The following CEP192 variants were observed in gnomAD, a reference collection of about 807,000 sequenced individuals.
CEP192 encodes centrosomal protein 192.
CEP192 carries 151 observed loss-of-function variants against 271.8 expected under a neutral mutation model. The observed-to-expected ratio is 0.56, with a 90% confidence interval of 0.49 to 0.64. The LOEUF is 0.64. CEP192 is among the 30% of genes least tolerant of loss of function. The pLI is 0.00. For synonymous variants in CEP192, 995 were observed against 1,076.5 expected (o/e 0.92, Z 1.48); for missense variants, 2,910 against 3,020.5 (o/e 0.96, Z 0.86).
chr18:13,099,478 G>C lies in CEP192; in HGVS notation c.6560G>C (p.Ser2187Thr). 1 of 1,511,706 alleles carries C rather than the reference G, an allele frequency of 6.6e-7. No individual in the cohort carries two copies. The highest frequency in any genetic ancestry group is 9.0e-7 in the Non-Finnish European group (1 of 1,109,534). The allele number at this position is 1,511,706 out of a possible 1,614,324, so 93.6% of individuals were successfully genotyped here. Residue 2187 changes from serine (S) to threonine (T), a missense_variant and splice_region_variant, in exon 37 of 45, where the codon AGT becomes ACT. Transcript: ENST00000506447. ...TTTCTTATTAATTTTTTTTAAAGGA[G>C]TAAACTACAAATTCTTGTGAGTCCT... ...TPQHGCVAPE[S>T]KLQILVSPNS...
At chr18:13,029,512 T>G (rs960861749) in intron 9 of CEP192, 151 bp from the exon 10 acceptor site, 2 of 584,840 alleles carry the variant, frequency 3.4e-6, no homozygotes, top group Admixed American at 3.2e-5. Context: ...TCACATATAG[T>G]CTAGAATACA....
rs867311318 is a variant in CEP192, at chr18:13,068,407, C to T, written c.4807C>T (p.Gln1603Ter). The T allele has an allele frequency of 1.2e-6, 2 of 1,611,320 alleles. No homozygotes were observed. The highest frequency in any genetic ancestry group is 1.7e-4 in the Middle Eastern group (1 of 5,832). Residue 1603 changes from glutamine to a stop codon, truncating the protein, a stop_gained, in exon 24 of 45, where the codon CAG (glutamine) becomes TAG (stop). Coordinates refer to ENST00000506447, the MANE Select transcript of CEP192 (RefSeq NM_032142.4). LOFTEE classifies it high-confidence loss of function. The part of the protein sequence containing the change: ...IWVLFHSPKK[Q>*]ISSSDILDSA... ...GGTTCTTTTCCATAGTCCAAAGAAA[C>T]AGATCAGCTCTTCAGGTATCATGTT...
intron 30 of CEP192, among the ~76,000 whole-genome samples, chr18:13,086,733 C>G (rs2038915060): frequency 6.6e-6 from 1 of 152,206 alleles, no homozygotes; most frequent in Admixed American, 6.5e-5. Flanking sequence ...CATATCTGTA[C>G]TAATCTTTAT....
In CEP192 at chr18:13,055,795, G is replaced by A. The variant is rs956124679; in HGVS notation, c.3205G>A (p.Glu1069Lys). ...LEDRKSDITSELSTTIIQGSP... is the reference protein window; with the variant it reads ...LEDRKSDITSKLSTTIIQGSP... ...TTGCACTCAGAGTGATATCACCAGCGAGTTGAGTACCACAATTATTCAAGG... is the reference window on the plus strand; with the variant it reads ...TTGCACTCAGAGTGATATCACCAGCAAGTTGAGTACCACAATTATTCAAGG... The change falls in exon 19 of 45, where the codon GAG (glutamate) becomes AAG (lysine). Residue 1069 changes from glutamate to lysine, a missense_variant. Transcript: ENST00000506447. 5.1e-6 allele frequency: 8 copies of A among 1,563,804 alleles called. No individual in the cohort carries two copies. Among genetic ancestry groups the A allele is most frequent in the African/African-American group, 1.4e-5 (1 of 72,876 alleles).
At chr18:13,104,231 C>T (rs1395234979) in intron 39 of CEP192, among the ~76,000 whole-genome samples, 1 of 152,128 alleles carries the variant, frequency 6.6e-6, no homozygotes, top group East Asian at 1.9e-4. Context: ...TGGCTTTTCC[C>T]CTCATGTTCT....
At chr18:13,065,649 A>G (rs1402338114) in intron 21 of CEP192, among the ~76,000 whole-genome samples, 1 of 152,228 alleles carries the variant, frequency 6.6e-6, no homozygotes. Flanking sequence ...ACACACACAT[A>G]CATACTGGCA....
chr18:13,087,598 C>T lies in CEP192; in HGVS notation c.5945C>T (p.Thr1982Ile), dbSNP rs928985935. Residue 1982 changes from threonine to isoleucine, a missense_variant, in exon 32 of 45, where the codon ACT becomes ATT. Thr to Ile is a moderately conservative substitution (Grantham distance 89, BLOSUM62 -1). Coordinates refer to ENST00000506447, the MANE Select transcript of CEP192 (RefSeq NM_032142.4). Reference sequence around the variant, plus strand: ...AATAAAACTGCAACAGAACTATCAACTGTATACTTATTTGGTGGAGATGAA... The same window carrying T: ...AATAAAACTGCAACAGAACTATCAATTGTATACTTATTTGGTGGAGATGAA... Reference protein sequence around the residue: ...INNKTATELSTVYLFGGDEIS... With the variant: ...INNKTATELSIVYLFGGDEIS... 1 of 1,582,472 alleles carries T rather than the reference C, an allele frequency of 6.3e-7. No individual in the cohort carries two copies. The highest frequency in any genetic ancestry group is 8.6e-7 in the Non-Finnish European group (1 of 1,163,588).
At chr18:13,117,530 A>G (rs1303304803) in intron 43 of CEP192, 55 bp from the exon 44 acceptor site, 29 of 1,298,520 alleles carry the variant, frequency 2.2e-5, no homozygotes, top group Non-Finnish European at 3.0e-5. Flanking sequence ...ATGCTTATAT[A>G]TGCTAAAAGA....
intron 21 of CEP192, 152 bp from the exon 22 acceptor site, chr18:13,067,679 T>A: frequency 3.6e-6 from 2 of 558,946 alleles, no homozygotes; most frequent in Non-Finnish European, 6.2e-6. Context: ...TTGTAGAAAA[T>A]AAGCAATTGT....
chr18:13,069,358 G>C (rs2037887206), intron 26 of CEP192, among the ~76,000 whole-genome samples, 177 bp downstream of exon 26: 1 of 152,160 alleles, frequency 6.6e-6, no homozygotes, highest in Admixed American at 6.5e-5. Flanking sequence ...ATATGCTGTG[G>C]TGCTTTTTAA....
chr18:13,049,804 C>T lies in CEP192; in HGVS notation c.2930C>T (p.Ser977Leu), dbSNP rs770182761. 1.2e-6 allele frequency: 2 copies of T among 1,613,710 alleles called. No homozygotes were observed. Among genetic ancestry groups the T allele is most frequent in the Admixed American group, 1.7e-5 (1 of 59,960 alleles). ...TCTCCTGAGCATGGTGGACGTGGCT[C>T]AGAGGATGAGCAGGAGAGCTTCAGA... The part of the protein sequence containing the change: ...NTSPEHGGRG[S>L]EDEQESFRPS... Residue 977 changes from serine (S) to leucine (L), a missense_variant, in exon 17 of 45, where the codon TCA becomes TTA. Transcript: ENST00000506447.
chr18:13,122,711 T>G lies in CEP192; in HGVS notation c.7476-1921T>G, dbSNP rs142676570. On this transcript the variant is annotated intron_variant, in intron 44 of 44. Transcript: ENST00000506447. ...TGAGTGTGCACAGCCTGATGGCCTCTCTGCTCCCTAGATGCATTTCTGCTC... is the reference window on the plus strand; with the variant it reads ...TGAGTGTGCACAGCCTGATGGCCTCGCTGCTCCCTAGATGCATTTCTGCTC... 9.9e-3 allele frequency among the ~76,000 whole-genome samples: 1,504 copies of G among 152,364 alleles called. 22 individuals carry two copies. The highest frequency in any genetic ancestry group is 0.035 in the African/African-American group (1,441 of 41,582).
intron 7 of CEP192, among the ~76,000 whole-genome samples, chr18:13,018,003 C>G (rs879812206): frequency 7.2e-5 from 11 of 152,144 alleles, no homozygotes; most frequent in Non-Finnish European, 1.3e-4. Context: ...TAACCATAAT[C>G]TGTTTTCTCT....
intron 30 of CEP192, among the ~76,000 whole-genome samples, chr18:13,083,222 C>G (rs957402324): frequency 6.6e-6 from 1 of 152,214 alleles, no homozygotes. Context: ...TGTTTTCCAA[C>G]TTGGTTCCAT....
chr18:13,001,635 G>T (rs749624378), intron 3 of CEP192, 53 bp downstream of exon 3: 133 of 1,449,516 alleles, frequency 9.2e-5, no homozygotes, highest in Middle Eastern at 3.5e-4. Flanking sequence ...GTCTTACGCA[G>T]TCTTGTGGAA....
intron 3 of CEP192, among the ~76,000 whole-genome samples, chr18:13,005,448 C>G (rs1028721470): frequency 1.3e-5 from 2 of 152,088 alleles, no homozygotes; most frequent in Non-Finnish European, 2.9e-5. Flanking sequence ...GAAGTTAGTC[C>G]GACTCACCTG....
intron 21 of CEP192, among the ~76,000 whole-genome samples, chr18:13,059,605 G>A (rs1315038616): frequency 1.3e-5 from 2 of 152,148 alleles, no homozygotes; most frequent in Non-Finnish European, 2.9e-5. Context: ...CATGCCAGTG[G>A]TTCATATTCT....
At chr18:13,069,019 A>T (rs2037866653) in intron 25 of CEP192, 28 bp downstream of exon 25, 1 of 1,614,026 alleles carries the variant, frequency 6.2e-7, no homozygotes, top group Non-Finnish European at 8.5e-7. Flanking sequence ...TTCTGCCGTT[A>T]CTGCTTTCAT....
chr18:13,056,906 C>G (rs941954602), intron 19 of CEP192, among the ~76,000 whole-genome samples: 1 of 152,208 alleles, frequency 6.6e-6, no homozygotes, highest in African/African-American at 2.4e-5. Flanking sequence ...GACAGGCTGC[C>G]TATGGCTCTG....
Sources: gnomAD v4.1 joint callset for allele counts (sites outside exome capture counted in the v4.1 genomes callset) on GRCh38, gnomAD v4.1.1 for gene constraint, MANE v1.5 for transcripts, NCBI Gene and HGNC (gene_info 2026-07-23, HGNC 2026-07-21) for gene names.